The following SESN3 variants were observed in gnomAD, a reference collection of about 807,000 sequenced individuals.
The protein encoded by SESN3 is sestrin 3, also known as sestrin-3.
In SESN3, 21 loss-of-function variants were observed where a neutral mutation model predicts 55.3. The observed-to-expected ratio is 0.38, with a 90% CI of 0.27 to 0.55. The LOEUF (loss-of-function observed/expected upper bound fraction) is 0.55, where lower values mean the gene tolerates loss of function less well. Ranked by LOEUF, SESN3 falls within the 20% of genes least tolerant of loss-of-function variation. SESN3 has a pLI of 0.76. For missense variants in SESN3, 408 were observed against 604.3 expected (o/e 0.68, Z 3.41); for synonymous variants, 181 against 203.1 (o/e 0.89, Z 0.93).
At chr11:95,180,352 T>C (rs968629803) in intron 6 of SESN3, among the ~76,000 whole-genome samples, 1 of 152,184 alleles carries the variant, frequency 6.6e-6, no homozygotes, top group African/African-American at 2.4e-5. Flanking sequence ...TGCATGAACA[T>C]CCTAACATTA....
chr11:95,215,396 A>G (rs1860733253), intron 1 of SESN3, among the ~76,000 whole-genome samples: 1 of 152,208 alleles, frequency 6.6e-6, no homozygotes, highest in Admixed American at 6.5e-5. Context: ...TTGCTGGTTA[A>G]TACTTCAACC....
In SESN3 at chr11:95,191,610, C is replaced by CA. The variant is rs150790532; in HGVS notation, c.145-10dup. 0.041 allele frequency: 65,536 copies of CA among 1,599,402 alleles called. 3,961 individuals are homozygous for CA. Among genetic ancestry groups the CA allele is most frequent in the East Asian group, 0.33 (14,510 of 44,522 alleles). On this transcript the variant is annotated splice_polypyrimidine_tract_variant and intron_variant, in intron 2 of 9. Transcript: ENST00000536441. ...GTGTTTGCTTGGACAACCTTATAAC[C>CA]AAAAAAAACAAAACAAAATGACTAT...
intron 6 of SESN3, among the ~76,000 whole-genome samples, chr11:95,183,512 C>G (rs1017585): frequency 0.28 from 42,779 of 151,618 alleles, 6,474 homozygotes; most frequent in Non-Finnish European, 0.33. Flanking sequence ...AGTTTTGAAG[C>G]CCTCTTTTAG....
At chr11:95,221,286 A>AGT (rs1565476270) in intron 1 of SESN3, among the ~76,000 whole-genome samples, 106 of 152,268 alleles carry the variant, frequency 7.0e-4, no homozygotes, top group African/African-American at 2.2e-3. Context: ...CCTGGGTGAC[A>AGT]GAGTGAGACT....
intron 1 of SESN3, among the ~76,000 whole-genome samples, chr11:95,206,365 TACACACACACAC>T (rs3032056): frequency 1.6e-4 from 22 of 140,466 alleles, no homozygotes; most frequent in South Asian, 4.7e-4. Flanking sequence ...AGTCCTAAAA[TACACACACACAC>T]ACACACACAC....
At chr11:95,213,163 G>T (rs1860690442) in intron 1 of SESN3, among the ~76,000 whole-genome samples, 1 of 151,504 alleles carries the variant, frequency 6.6e-6, no homozygotes, top group Non-Finnish European at 1.5e-5. Context: ...AAAAACCTTG[G>T]TCTTTTCCAA....
At chr11:95,222,643 A>G (rs993071843) in intron 1 of SESN3, among the ~76,000 whole-genome samples, 1 of 152,202 alleles carries the variant, frequency 6.6e-6, no homozygotes, top group East Asian at 1.9e-4. Context: ...GGTTTATGTA[A>G]TTGTTAATTA....
intron 1 of SESN3, among the ~76,000 whole-genome samples, chr11:95,214,816 A>G (rs922864738): frequency 1.3e-5 from 2 of 152,222 alleles, no homozygotes; most frequent in Admixed American, 6.5e-5. Flanking sequence ...GAGTCTACCA[A>G]TGTTAGTGCC....
intron 1 of SESN3, among the ~76,000 whole-genome samples, chr11:95,214,526 G>A (rs1215806859): frequency 6.6e-6 from 1 of 151,960 alleles, no homozygotes; most frequent in African/African-American, 2.4e-5. Context: ...TCAATTTGTA[G>A]GCCTCCTGTC....
intron 1 of SESN3, among the ~76,000 whole-genome samples, chr11:95,207,065 C>A (rs535950977): frequency 6.6e-4 from 101 of 152,284 alleles, no homozygotes; most frequent in African/African-American, 2.4e-3. Context: ...AGGCATGAAC[C>A]ACCACGCGCG....
chr11:95,229,392 GCA>G (rs1201479204), intron 1 of SESN3, among the ~76,000 whole-genome samples: 1 of 151,988 alleles, frequency 6.6e-6, no homozygotes, highest in Admixed American at 6.6e-5. Context: ...TACTCAACAT[GCA>G]CATTTAATAA....
Position 95,196,713 on chromosome 11 carries a change from C to T in SESN3, c.79-3191G>A, listed in dbSNP as rs1004485722. Among the ~76,000 whole-genome samples the T allele has an allele frequency of 5.9e-5, 9 of 152,180 alleles. No homozygotes were observed. In the East Asian group the frequency reaches 7.7e-4, roughly 13 times the overall value. On this transcript the variant is annotated intron_variant, in intron 1 of 9. Coordinates refer to ENST00000536441, the MANE Select transcript of SESN3 (RefSeq NM_144665.4). ...CCACATTAACCACATTTCAGATGCT[C>T]GGCAGCCACATAGGACCACGTGTAC...
rs1306909149 is a variant in SESN3, at chr11:95,168,423, T to C, written c.*4832A>G. On this transcript the variant is annotated 3_prime_UTR_variant, in exon 10 of 10. Transcript: ENST00000536441. Reference sequence around the variant, plus strand: ...TCAATTTCTGTATCATGTATAAATATAAAGTTTCCTACTTTGATAGAAGGC... The same window carrying C: ...TCAATTTCTGTATCATGTATAAATACAAAGTTTCCTACTTTGATAGAAGGC... The C allele has an allele frequency of 6.6e-6, 1 of 152,224 alleles. No homozygotes were observed. Among genetic ancestry groups the C allele is most frequent in the African/African-American group, 2.4e-5 (1 of 41,460 alleles). 9.4% of individuals were successfully genotyped at this position (152,224 alleles called of 1,614,324 possible). A position where few individuals can be genotyped will look rare whatever the true frequency, so the allele number is the denominator to read the frequency against.
intron 1 of SESN3, among the ~76,000 whole-genome samples, chr11:95,197,763 T>C (rs1365754758): frequency 1.3e-5 from 2 of 152,166 alleles, no homozygotes; most frequent in Non-Finnish European, 2.9e-5. Context: ...GGTGACTATA[T>C]TGTAGGGAAG....
chr11:95,216,125 AGAAATCCTTTATCTT>A (rs1860753392), intron 1 of SESN3, among the ~76,000 whole-genome samples: 1 of 151,182 alleles, frequency 6.6e-6, no homozygotes. Context: ...AAAAAAAAAA[AGAAATCCTTTATCTT>A]AAATTGATTG....
intron 9 of SESN3, among the ~76,000 whole-genome samples, 153 bp downstream of exon 9, chr11:95,175,345 C>T (rs1859935314): frequency 6.6e-6 from 1 of 152,124 alleles, no homozygotes; most frequent in Non-Finnish European, 1.5e-5. Context: ...GCCTGGCAAA[C>T]AAACAAGCAA....
In SESN3 at chr11:95,185,280, T is replaced by C; in HGVS notation, c.738A>G (p.Ala246=). ...CCCCAAAGTTGCTGCCTGAAAGAGA[T>C]GCATTCTCTATGTTGTTGTCATTAG... ...DLANDNNIEN[A]SLSGSNFGIV... The change falls in exon 5 of 10, where the codon GCA becomes GCG. Residue 246 remains alanine, a synonymous_variant. Coordinates refer to ENST00000536441, the MANE Select transcript of SESN3 (RefSeq NM_144665.4). 8.1e-6 allele frequency: 13 copies of C among 1,608,858 alleles called. No individual in the cohort carries two copies. Among genetic ancestry groups the C allele is most frequent in the Non-Finnish European group, 1.1e-5 (13 of 1,176,334 alleles).
chr11:95,175,646 C>T lies in SESN3; in HGVS notation c.1248-4G>A, dbSNP rs190398972. 2.9e-5 allele frequency: 47 copies of T among 1,608,202 alleles called. No homozygotes were observed. Among genetic ancestry groups the T allele is most frequent in the Admixed American group, 1.0e-4 (6 of 59,818 alleles). ...TCCATAATCATAGTCATCATACCTACGAGCAATACAACAATAGCTTTATAA... is the reference window on the plus strand; with the variant it reads ...TCCATAATCATAGTCATCATACCTATGAGCAATACAACAATAGCTTTATAA... On this transcript the variant is annotated splice_polypyrimidine_tract_variant and splice_region_variant and intron_variant, in intron 8 of 9. Transcript: ENST00000536441.
At chr11:95,197,672 ATAT>A (rs1860387398) in intron 1 of SESN3, among the ~76,000 whole-genome samples, 1 of 151,782 alleles carries the variant, frequency 6.6e-6, no homozygotes, top group South Asian at 2.1e-4. Context: ...TTCCTTATAA[ATAT>A]TATTCTTTCA....
Sources: allele counts gnomAD v4.1 joint callset (sites outside exome capture counted in the v4.1 genomes callset), GRCh38; gene constraint gnomAD v4.1.1; transcripts MANE v1.5; gene names NCBI Gene and HGNC (gene_info 2026-07-23, HGNC 2026-07-21).